Variants in CYRIB observed in about 807,000 individuals in gnomAD.
CYRIB encodes CYFIP-related Rac1 interactor B.
In CYRIB, 8 loss-of-function variants were observed where a neutral mutation model predicts 44.2. The ratio of observed to expected loss-of-function variants is 0.18; its 90% CI spans 0.11 to 0.33. CYRIB has a LOEUF of 0.33. Ranked by LOEUF, CYRIB falls within the 10% of genes least tolerant of loss-of-function variation. The pLI is 1.00. For synonymous variants in CYRIB, 131 were observed against 127.2 expected, an observed-to-expected ratio of 1.03 and a Z score of -0.20; for missense variants, 185 against 382.8, an observed-to-expected ratio of 0.48 and a Z score of 4.31.
At chr8:130,011,032 G>A (rs545956624) in intron 1 of CYRIB, among the ~76,000 whole-genome samples, 62 of 152,076 alleles carry the variant, frequency 4.1e-4, no homozygotes, top group African/African-American at 1.3e-3. Flanking sequence ...AGAAGCCTCC[G>A]GAACTATGGC....
At chr8:129,973,676 ATTTAGTTCTTTAAAAAATACTCGCC>A (rs1452232896) in intron 1 of CYRIB, among the ~76,000 whole-genome samples, 3 of 152,148 alleles carry the variant, frequency 2.0e-5, no homozygotes, top group African/African-American at 7.2e-5. Flanking sequence ...TCTATTTGTC[ATTTAGTTCTTTAAAAAATACTCGCC>A]TGTAGTCCCA....
intron 2 of CYRIB, among the ~76,000 whole-genome samples, chr8:129,899,523 TA>T (rs1450921547): frequency 1.3e-5 from 2 of 152,178 alleles, no homozygotes; most frequent in African/African-American, 4.8e-5. Flanking sequence ...ACAAAGCATA[TA>T]AAAAGGAAAT....
intron 9 of CYRIB, 83 bp downstream of exon 11, chr8:129,850,752 A>T: frequency 1.1e-6 from 1 of 950,906 alleles, no homozygotes; most frequent in South Asian, 1.4e-5. Flanking sequence ...AAAACATGTT[A>T]ACATGTTCAT....
chr8:129,902,778 A>G (rs928666316), intron 2 of CYRIB, among the ~76,000 whole-genome samples: 1 of 152,240 alleles, frequency 6.6e-6, no homozygotes, highest in African/African-American at 2.4e-5. Flanking sequence ...ATAACTTGTT[A>G]TAATTAAAAC....
chr8:129,860,753 A>G (rs1174473084), intron 5 of CYRIB, among the ~76,000 whole-genome samples: 1 of 152,092 alleles, frequency 6.6e-6, no homozygotes, highest in Non-Finnish European at 1.5e-5. Flanking sequence ...AGCAATAAAA[A>G]CTTATTACAA....
chr8:129,923,191 C>T (rs371947676), intron 1 of CYRIB, among the ~76,000 whole-genome samples: 11 of 149,722 alleles, frequency 7.3e-5, no homozygotes, highest in South Asian at 2.1e-4. Flanking sequence ...TGTGGTGAGC[C>T]GATATCGCGC....
At chr8:129,977,431 T>G (rs2095982064) in intron 1 of CYRIB, among the ~76,000 whole-genome samples, 1 of 152,188 alleles carries the variant, frequency 6.6e-6, no homozygotes, top group Non-Finnish European at 1.5e-5. Flanking sequence ...AATAATGATG[T>G]GCACGTCTCT....
intron 1 of CYRIB, among the ~76,000 whole-genome samples, chr8:129,983,391 G>A (rs985414420): frequency 2.2e-4 from 34 of 152,272 alleles, no homozygotes; most frequent in African/African-American, 6.5e-4. Context: ...CTTGCAGTGA[G>A]CCAAGACTGT....
chr8:129,955,148 G>A (rs1413047919), intron 2 of CYRIB, among the ~76,000 whole-genome samples: 1 of 151,818 alleles, frequency 6.6e-6, no homozygotes, highest in Non-Finnish European at 1.5e-5. Flanking sequence ...AGCTACTTGG[G>A]AGGCTGAGGC....
upstream of CYRIB, among the ~76,000 whole-genome samples, chr8:129,940,952 AG>A (rs1288870113): frequency 5.9e-5 from 9 of 152,224 alleles, no homozygotes; most frequent in African/African-American, 2.2e-4. Flanking sequence ...CAAAGAGCTA[AG>A]GTTCCGGTAA....
At chr8:129,891,905 A>AT (rs112602017) in intron 2 of CYRIB, among the ~76,000 whole-genome samples, 1 of 152,240 alleles carries the variant, frequency 6.6e-6, no homozygotes, top group African/African-American at 2.4e-5. Context: ...TGCAATGGAT[A>AT]TAATAAATTA....
chr8:129,863,516 C>T (rs2051208186), intron 4 of CYRIB, among the ~76,000 whole-genome samples: 1 of 149,342 alleles, frequency 6.7e-6, no homozygotes, highest in Non-Finnish European at 1.5e-5. Flanking sequence ...TAGAGCGAGA[C>T]TCTGTCTTAA....
upstream of CYRIB, among the ~76,000 whole-genome samples, chr8:130,016,861 G>A (rs1233351838): frequency 6.6e-6 from 1 of 152,062 alleles, no homozygotes; most frequent in Non-Finnish European, 1.5e-5. Flanking sequence ...TGCGATTGGG[G>A]GTCATCGCCC....
At chr8:129,874,526 C>T (rs537073534) in intron 3 of CYRIB, among the ~76,000 whole-genome samples, 26 of 152,162 alleles carry the variant, frequency 1.7e-4, no homozygotes, top group African/African-American at 5.5e-4. Context: ...AATAAACCTA[C>T]GCAATCTATC....
At chr8:129,979,999 C>T (rs1431408958) in intron 1 of CYRIB, among the ~76,000 whole-genome samples, 1 of 151,988 alleles carries the variant, frequency 6.6e-6, no homozygotes, top group Non-Finnish European at 1.5e-5. Context: ...TCTTCCAGAA[C>T]CAATTCTGAT....
At chr8:129,920,180 A>T (rs1298584251) in intron 1 of CYRIB, among the ~76,000 whole-genome samples, 4 of 151,796 alleles carry the variant, frequency 2.6e-5, no homozygotes, top group Non-Finnish European at 5.9e-5. Flanking sequence ...TCTTTAAAAC[A>T]TGTAAGTCCA....
intron 1 of CYRIB, among the ~76,000 whole-genome samples, chr8:129,939,416 G>A (rs1365948531): frequency 6.6e-6 from 1 of 151,624 alleles, no homozygotes. Flanking sequence ...GCAGGCCGGG[G>A]CCGCGGGGCC....
At chr8:129,967,449 G>A (rs181805290) in intron 2 of CYRIB, among the ~76,000 whole-genome samples, 103 of 150,910 alleles carry the variant, frequency 6.8e-4, no homozygotes, top group Admixed American at 1.1e-3. Context: ...GCGCGATCTC[G>A]GCTCACTGCA....
upstream of CYRIB, chr8:130,017,057 C>G (rs1246926684): frequency 1.3e-5 from 2 of 152,466 alleles, no homozygotes; most frequent in African/African-American, 4.8e-5. Flanking sequence ...CCTGGCTCAC[C>G]TCGCAGCGGG....
Sources: gnomAD v4.1 joint callset for allele counts (sites outside exome capture counted in the v4.1 genomes callset) on GRCh38, gnomAD v4.1.1 for gene constraint, MANE v1.5 for transcripts, NCBI Gene and HGNC (gene_info 2026-07-23, HGNC 2026-07-21) for gene names.